Variants in DOCK2 observed in about 807,000 individuals in gnomAD.
The protein encoded by DOCK2 is dedicator of cytokinesis protein 2.
A neutral mutation model predicts 248.9 loss-of-function variants in DOCK2; 87 were observed. The observed-to-expected ratio is 0.35, with a 90% CI of 0.29 to 0.42. The LOEUF (loss-of-function observed/expected upper bound fraction) is 0.42. Among genes scored for constraint, DOCK2 ranks in the 10% least tolerant of loss-of-function variants. The probability of loss-of-function intolerance (pLI) is 1.00; values close to 1 mark genes in which losing one functional copy is unlikely to be tolerated. For synonymous variants in DOCK2, 805 were observed against 821.6 expected (o/e 0.98, Z 0.35); for missense variants, 1,747 against 2,300.2 (o/e 0.76, Z 4.92).
chr5:169,747,323 T>G, intron 22 of DOCK2, 73 bp from the exon 23 acceptor site: 1 of 1,361,788 alleles, frequency 7.3e-7, no homozygotes, highest in Non-Finnish European at 1.0e-6. Flanking sequence ...TTAAATGAAG[T>G]TTGTGCCTAG....
intron 33 of DOCK2, among the ~76,000 whole-genome samples, chr5:170,021,616 T>C (rs1342706529): frequency 6.6e-6 from 1 of 152,188 alleles, no homozygotes; most frequent in Non-Finnish European, 1.5e-5. Context: ...CTTGGGCTCC[T>C]CACTCCAGTG....
At chr5:169,929,768 A>C (rs899279562) in intron 27 of DOCK2, among the ~76,000 whole-genome samples, 3 of 146,410 alleles carry the variant, frequency 2.0e-5, no homozygotes, top group Non-Finnish European at 3.0e-5. Context: ...AAAAAGAGAG[A>C]GAGAGAAAGA....
intron 22 of DOCK2, among the ~76,000 whole-genome samples, chr5:169,741,803 ATTTTTTTTTT>A (rs33955559): frequency 2.4e-5 from 2 of 82,402 alleles, no homozygotes; most frequent in South Asian, 4.8e-4. Context: ...ATCTTTTACT[ATTTTTTTTTT>A]TTTTTTTTTT....
At chr5:169,903,232 G>C (rs166355) in intron 27 of DOCK2, among the ~76,000 whole-genome samples, 1 of 149,432 alleles carries the variant, frequency 6.7e-6, no homozygotes, top group Non-Finnish European at 1.5e-5. Flanking sequence ...AGCTATGATC[G>C]CACCTATTAA....
chr5:169,945,534 T>G lies in DOCK2; in HGVS notation c.2800-37534T>G, dbSNP rs148678382. ...ATGCAATCTTCCCAGGCGTTCTTTTTTAATTAGGGAGATAGTATTGTGCTC... is the reference window on the plus strand; with the variant it reads ...ATGCAATCTTCCCAGGCGTTCTTTTGTAATTAGGGAGATAGTATTGTGCTC... On this transcript the variant is annotated intron_variant, in intron 27 of 51. Coordinates refer to ENST00000520908, the MANE Select transcript of DOCK2 (RefSeq NM_004946.3). 2.1e-3 allele frequency among the ~76,000 whole-genome samples: 326 copies of G among 152,364 alleles called. 1 individual carries two copies. The highest frequency in any genetic ancestry group is 7.5e-3 in the African/African-American group (311 of 41,586).
chr5:169,722,355 A>G (rs1762254837), intron 22 of DOCK2, among the ~76,000 whole-genome samples: 1 of 152,208 alleles, frequency 6.6e-6, no homozygotes, highest in Non-Finnish European at 1.5e-5. Context: ...ACAGAGAATC[A>G]GACTGCAGAG....
At position 170,076,076 on chromosome 5, in the gene DOCK2, C is replaced by G; in HGVS notation, c.4858C>G (p.Arg1620Gly). 1 of 1,606,336 alleles carries G rather than the reference C, an allele frequency of 6.2e-7. No homozygotes were observed. Among genetic ancestry groups the G allele is most frequent in the Non-Finnish European group, 8.5e-7 (1 of 1,175,458 alleles). The part of the protein sequence containing the change: ...KMKVEKEYGV[R>G]EMPDFDDRRV... The stretch of plus-strand genomic sequence containing the variant: ...GAAGGTGGAGAAGGAGTACGGTGTC[C>G]GAGAGATGGTATGGGTGGTTCCTAT... Residue 1620 changes from arginine (R) to glycine (G), a missense_variant, in exon 47 of 52, where the codon CGA (arginine) becomes GGA (glycine). Around this residue, in one of 4 missense-constraint regions of DOCK2, gnomAD observed 513 missense variants for 586.1 expected, o/e 0.88. Transcript: ENST00000520908.
rs1005105201 is a variant in DOCK2, at chr5:169,902,874, C to T, written c.2799+62022C>T. 3.9e-5 allele frequency among the ~76,000 whole-genome samples: 6 copies of T among 151,994 alleles called. 1 individual carries two copies. The South Asian group carries it at 8.3e-4, about 21-fold the overall frequency. ...CAACAGTTTGGGAGGCCGAGGCAGG[C>T]GGATCACAAGGTCAAGAGATCGAGA... is the stretch of plus-strand genomic sequence containing the variant. On this transcript the variant is annotated intron_variant, in intron 27 of 51. Coordinates refer to ENST00000520908, the MANE Select transcript of DOCK2 (RefSeq NM_004946.3).
intron 27 of DOCK2, among the ~76,000 whole-genome samples, chr5:169,925,890 G>A (rs1443469098): frequency 6.6e-6 from 1 of 152,106 alleles, no homozygotes; most frequent in Non-Finnish European, 1.5e-5. Context: ...CCTGGCAGCT[G>A]GGCCTGTTTT....
intron 22 of DOCK2, among the ~76,000 whole-genome samples, chr5:169,744,089 T>C (rs2113676921): frequency 6.6e-6 from 1 of 152,152 alleles, no homozygotes; most frequent in East Asian, 1.9e-4. Context: ...GCAGATTGGA[T>C]TCCCACTGGA....
intron 26 of DOCK2, among the ~76,000 whole-genome samples, chr5:169,827,958 A>T (rs1205111263): frequency 2.6e-5 from 4 of 152,140 alleles, no homozygotes; most frequent in Non-Finnish European, 5.9e-5. Flanking sequence ...AGAGTGAGTG[A>T]GTCCATATTT....
At chr5:169,889,309 A>G (rs1773153554) in intron 27 of DOCK2, among the ~76,000 whole-genome samples, 1 of 152,160 alleles carries the variant, frequency 6.6e-6, no homozygotes, top group Admixed American at 6.6e-5. Flanking sequence ...CTAGTCTACT[A>G]TGCTTTCTCT....
intron 27 of DOCK2, among the ~76,000 whole-genome samples, chr5:169,936,902 AT>A (rs1394763730): frequency 1.3e-5 from 2 of 152,240 alleles, no homozygotes; most frequent in African/African-American, 4.8e-5. Context: ...CAGACACTTA[AT>A]AATTCAAACA....
intron 22 of DOCK2, among the ~76,000 whole-genome samples, chr5:169,736,206 C>G (rs192420315): frequency 6.6e-6 from 1 of 152,218 alleles, no homozygotes; most frequent in Admixed American, 6.5e-5. Context: ...AATTGAGAGT[C>G]CATGATTTTT....
intron 1 of DOCK2, among the ~76,000 whole-genome samples, chr5:169,639,882 C>T (rs150979480): frequency 6.6e-6 from 1 of 152,292 alleles, no homozygotes; most frequent in East Asian, 1.9e-4. Flanking sequence ...AGCAAAATAC[C>T]ACCAACTGGG....
chr5:170,069,902 T>A (rs574566941), intron 46 of DOCK2, among the ~76,000 whole-genome samples: 2 of 152,220 alleles, frequency 1.3e-5, no homozygotes, highest in South Asian at 4.1e-4. Flanking sequence ...TCTTTCCCTC[T>A]CTCTCTTAGA....
chr5:170,059,341 G>T (rs79245487), intron 44 of DOCK2, among the ~76,000 whole-genome samples: 90 of 152,162 alleles, frequency 5.9e-4, no homozygotes, highest in African/African-American at 2.0e-3. Context: ...ACTATTATGA[G>T]CCCTATTTAG....
intron 50 of DOCK2, 161 bp downstream of exon 50, chr5:170,080,444 CA>C (rs2113879564): frequency 1.8e-6 from 2 of 1,081,624 alleles, no homozygotes; most frequent in South Asian, 3.3e-5. Context: ...AATCTCTCCC[CA>C]CACCCACCAC....
chr5:169,776,627 G>A (rs1309528604), intron 25 of DOCK2, among the ~76,000 whole-genome samples: 1 of 152,164 alleles, frequency 6.6e-6, no homozygotes, highest in Non-Finnish European at 1.5e-5. Context: ...CTGCGCCCCT[G>A]ACCAAATCTG....
Sources: gnomAD v4.1 joint callset for allele counts (sites outside exome capture counted in the v4.1 genomes callset) on GRCh38, gnomAD v4.1.1 for gene constraint, gnomAD v4.1.1 regional missense constraint, MANE v1.5 for transcripts, NCBI Gene and HGNC (gene_info 2026-07-23, HGNC 2026-07-21) for gene names.